NOL4: variants seen among roughly 807,000 people sequenced by gnomAD.
NOL4 encodes the protein cancer/testis antigen 125.
In NOL4, 17 loss-of-function variants were observed where a neutral mutation model predicts 75.9. The ratio of observed to expected loss-of-function variants is 0.22; its 90% CI spans 0.15 to 0.34. The LOEUF (loss-of-function observed/expected upper bound fraction) is 0.34. NOL4 is among the 10% of genes least tolerant of loss of function. The probability of loss-of-function intolerance (pLI) is 1.00; values close to 1 mark genes in which losing one functional copy is unlikely to be tolerated. For missense variants in NOL4, 614 were observed against 793.5 expected, an observed-to-expected ratio of 0.77 and a Z score of 2.72; for synonymous variants, 292 against 289.9, an observed-to-expected ratio of 1.01 and a Z score of -0.07.
At chr18:34,177,620 G>A (rs1363997315) in intron 1 of NOL4, among the ~76,000 whole-genome samples, 2 of 151,660 alleles carry the variant, frequency 1.3e-5, no homozygotes, top group Admixed American at 6.6e-5. Context: ...GGTTTTTCGC[G>A]GGATGTTTTC....
chr18:34,112,133 C>A (rs904504367), intron 2 of NOL4, among the ~76,000 whole-genome samples: 4 of 152,130 alleles, frequency 2.6e-5, no homozygotes, highest in African/African-American at 9.7e-5. Flanking sequence ...CTTTGGGAGG[C>A]TGAGGCAGGT....
At chr18:34,169,687 A>G (rs1390995891) in intron 1 of NOL4, among the ~76,000 whole-genome samples, 2 of 152,176 alleles carry the variant, frequency 1.3e-5, no homozygotes, top group Admixed American at 6.5e-5. Context: ...CTAGGTTATC[A>G]ATGGAATACA....
At chr18:33,978,411 A>G (rs1052788886) in intron 6 of NOL4, among the ~76,000 whole-genome samples, 1 of 152,094 alleles carries the variant, frequency 6.6e-6, no homozygotes, top group African/African-American at 2.4e-5. Flanking sequence ...TCAGGTCTCT[A>G]CTGATGATAC....
At chr18:33,913,846 T>C (rs2066550848) in intron 9 of NOL4, among the ~76,000 whole-genome samples, 1 of 152,040 alleles carries the variant, frequency 6.6e-6, no homozygotes, top group African/African-American at 2.4e-5. Flanking sequence ...TCCTGGAAGA[T>C]CTCAAAACTT....
intron 1 of NOL4, among the ~76,000 whole-genome samples, chr18:34,161,426 T>G (rs547932791): frequency 3.1e-4 from 47 of 152,278 alleles, no homozygotes; most frequent in African/African-American, 1.1e-3. Flanking sequence ...CAACCTTGTA[T>G]AATACATCAA....
chr18:34,149,369 A>C (rs1377526067), intron 1 of NOL4, among the ~76,000 whole-genome samples: 2 of 151,678 alleles, frequency 1.3e-5, no homozygotes, highest in Non-Finnish European at 3.0e-5. Context: ...TAATAATCCC[A>C]GAAAATAAAA....
chr18:33,955,193 T>G (rs531073403), intron 8 of NOL4, among the ~76,000 whole-genome samples: 1 of 152,230 alleles, frequency 6.6e-6, no homozygotes, highest in African/African-American at 2.4e-5. Flanking sequence ...AGGCTAGGTA[T>G]ATTTTTGATA....
intron 1 of NOL4, among the ~76,000 whole-genome samples, chr18:34,147,449 C>T (rs1369901797): frequency 6.6e-6 from 1 of 152,050 alleles, no homozygotes; most frequent in Non-Finnish European, 1.5e-5. Context: ...TTATCAAAGG[C>T]CTTTTCTCCA....
intron 9 of NOL4, among the ~76,000 whole-genome samples, chr18:33,908,875 C>T (rs1470051527): frequency 6.6e-6 from 1 of 152,016 alleles, no homozygotes; most frequent in Non-Finnish European, 1.5e-5. Context: ...ATACTATGCT[C>T]TTTGTTAATA....
At chr18:33,881,642 C>T (rs1174337233) in intron 10 of NOL4, among the ~76,000 whole-genome samples, 7 of 151,928 alleles carry the variant, frequency 4.6e-5, no homozygotes, top group East Asian at 1.9e-4. Flanking sequence ...AGGTAATTTA[C>T]AGATTCAATG....
intron 10 of NOL4, among the ~76,000 whole-genome samples, chr18:33,870,892 C>T (rs2063668296): frequency 6.6e-6 from 1 of 151,900 alleles, no homozygotes; most frequent in Non-Finnish European, 1.5e-5. Context: ...AATTTGTTTC[C>T]CTCCGTGGCC....
intron 1 of NOL4, among the ~76,000 whole-genome samples, chr18:34,170,776 G>T (rs2146262173): frequency 6.6e-6 from 1 of 152,146 alleles, no homozygotes; most frequent in East Asian, 1.9e-4. Context: ...CTCAAATCTT[G>T]CAAATGGTCT....
At chr18:34,042,270 T>C (rs1338053710) in intron 5 of NOL4, among the ~76,000 whole-genome samples, 4 of 152,022 alleles carry the variant, frequency 2.6e-5, no homozygotes, top group Non-Finnish European at 5.9e-5. Flanking sequence ...TAGCCAGTAA[T>C]GATGGCTCAT....
At chr18:34,048,779 G>A (rs1369814655) in intron 5 of NOL4, among the ~76,000 whole-genome samples, 1 of 152,012 alleles carries the variant, frequency 6.6e-6, no homozygotes, top group East Asian at 1.9e-4. Flanking sequence ...AGACTGGGTT[G>A]TTGATTATCT....
chr18:34,221,317 G>C (rs1473267217), intron 1 of NOL4: 1 of 152,120 alleles, frequency 6.6e-6, no homozygotes, highest in Non-Finnish European at 1.5e-5. Flanking sequence ...TTTGTCCAAA[G>C]GAAAATGCAT....
intron 5 of NOL4, among the ~76,000 whole-genome samples, chr18:34,081,475 G>A (rs2078010023): frequency 6.6e-6 from 1 of 152,016 alleles, no homozygotes; most frequent in Non-Finnish European, 1.5e-5. Flanking sequence ...ATTGATAGCT[G>A]AAAATAGCCT....
At chr18:33,910,786 A>G (rs2066349883) in intron 9 of NOL4, among the ~76,000 whole-genome samples, 1 of 152,054 alleles carries the variant, frequency 6.6e-6, no homozygotes, top group African/African-American at 2.4e-5. Flanking sequence ...TTTGGCTAGT[A>G]TTCTGAGCCA....
At chr18:34,147,819 G>A (rs1235290223) in intron 1 of NOL4, among the ~76,000 whole-genome samples, 1 of 152,120 alleles carries the variant, frequency 6.6e-6, no homozygotes, top group African/African-American at 2.4e-5. Context: ...ACCTCTGGAA[G>A]AATTTGGCTG....
chr18:33,978,954 T>C (rs1479701541), intron 6 of NOL4, among the ~76,000 whole-genome samples: 1 of 152,024 alleles, frequency 6.6e-6, no homozygotes, highest in Non-Finnish European at 1.5e-5. Context: ...TAATAAATCC[T>C]GGTGTATAAT....
Sources: gnomAD v4.1 joint callset for allele counts (sites outside exome capture counted in the v4.1 genomes callset) on GRCh38, gnomAD v4.1.1 for gene constraint, MANE v1.5 for transcripts, NCBI Gene and HGNC (gene_info 2026-07-23, HGNC 2026-07-21) for gene names.